The following NUTF2 variants were observed in gnomAD, a reference collection of about 807,000 sequenced individuals.
NUTF2 encodes placental protein 15.
A neutral mutation model predicts 18.5 loss-of-function variants in NUTF2; 3 were observed. That is an observed-to-expected ratio of 0.16 (90% CI 0.07 to 0.42). The LOEUF (loss-of-function observed/expected upper bound fraction) is 0.42, where lower values mean the gene tolerates loss of function less well. Ranked by LOEUF, NUTF2 falls within the 10% of genes least tolerant of loss-of-function variation. NUTF2 has a pLI of 0.99. For missense variants in NUTF2, 44 were observed against 160.7 expected, an observed-to-expected ratio of 0.27 and a Z score of 3.93; for synonymous variants, 51 against 57.9, an observed-to-expected ratio of 0.88 and a Z score of 0.54.
At chr16:67,861,038 G>A (rs1444863692) in intron 1 of NUTF2, among the ~76,000 whole-genome samples, 2 of 152,192 alleles carry the variant, frequency 1.3e-5, no homozygotes, top group African/African-American at 2.4e-5. Context: ...TTCTGAGAGA[G>A]CCAGGCTCAG....
intron 1 of NUTF2, among the ~76,000 whole-genome samples, chr16:67,862,509 C>T (rs1364884212): frequency 1.3e-5 from 2 of 152,198 alleles, no homozygotes; most frequent in Admixed American, 1.3e-4. Context: ...TTTCCTTCCA[C>T]CACCACTTCA....
intron 4 of NUTF2, among the ~76,000 whole-genome samples, chr16:67,869,233 G>A (rs2151301451): frequency 6.6e-6 from 1 of 151,842 alleles, no homozygotes; most frequent in East Asian, 2.0e-4. Flanking sequence ...ACAGCTGCCC[G>A]CCACCACACC....
At chr16:67,864,958 A>C in intron 1 of NUTF2, 144 bp from the exon 2 acceptor site, 1 of 576,708 alleles carries the variant, frequency 1.7e-6, no homozygotes, top group Non-Finnish European at 3.1e-6. Context: ...GTCTCCTGCC[A>C]GTTCCCCAGG....
chr16:67,852,513 T>C (rs2057867694), intron 1 of NUTF2, among the ~76,000 whole-genome samples: 1 of 151,756 alleles, frequency 6.6e-6, no homozygotes. Flanking sequence ...CCTGCCGGTA[T>C]AATCCGGCTA....
intron 1 of NUTF2, among the ~76,000 whole-genome samples, chr16:67,858,156 C>T (rs1385668734): frequency 6.6e-6 from 1 of 152,124 alleles, no homozygotes; most frequent in South Asian, 2.1e-4. Context: ...GGTAATCAGA[C>T]AGCTACTTTA....
At chr16:67,858,173 A>C (rs2057910321) in intron 1 of NUTF2, among the ~76,000 whole-genome samples, 1 of 152,152 alleles carries the variant, frequency 6.6e-6, no homozygotes, top group African/African-American at 2.4e-5. Flanking sequence ...TTTATTATTT[A>C]TTTATTTTAA....
intron 2 of NUTF2, among the ~76,000 whole-genome samples, chr16:67,866,217 C>T (rs1341815166): frequency 6.6e-6 from 1 of 151,984 alleles, no homozygotes; most frequent in Admixed American, 6.5e-5. Context: ...AAGTCAGTGT[C>T]CATTCAGAAA....
At chr16:67,860,053 C>T (rs1453856240) in intron 1 of NUTF2, among the ~76,000 whole-genome samples, 1 of 151,554 alleles carries the variant, frequency 6.6e-6, no homozygotes, top group Non-Finnish European at 1.5e-5. Context: ...AATCTCCACT[C>T]ACTGCAAGCT....
At chr16:67,857,740 T>C (rs1489729078) in intron 1 of NUTF2, among the ~76,000 whole-genome samples, 1 of 152,238 alleles carries the variant, frequency 6.6e-6, no homozygotes, top group South Asian at 2.1e-4. Flanking sequence ...GCCTGCTGTT[T>C]AGCCACAGCT....
chr16:67,851,101 G>A (rs544950993), intron 1 of NUTF2, among the ~76,000 whole-genome samples: 3 of 151,988 alleles, frequency 2.0e-5, no homozygotes, highest in East Asian at 1.9e-4. Flanking sequence ...GCACCTGGCC[G>A]AGCCCATCTC....
chr16:67,872,189 C>T lies in NUTF2; in HGVS notation c.*1276C>T, dbSNP rs1156715164. 6.6e-6 allele frequency: 1 copy of T among 152,268 alleles called. No individual in the cohort carries two copies. The highest frequency in any genetic ancestry group is 1.5e-5 in the Non-Finnish European group (1 of 68,058). The allele number at this position is 152,268 out of a possible 1,614,324, so 9.4% of individuals were successfully genotyped here. On this transcript the variant is annotated 3_prime_UTR_variant, in exon 5 of 5. Coordinates refer to ENST00000219169, the MANE Select transcript of NUTF2 (RefSeq NM_005796.3). ...ATAAACCTAGTGGCAATGTAGCAAC[C>T]ATAGGCTAGAACCAAACCCAAGATT... is the stretch of plus-strand genomic sequence containing the variant.
At chr16:67,857,950 G>A (rs554832255) in intron 1 of NUTF2, among the ~76,000 whole-genome samples, 1 of 152,342 alleles carries the variant, frequency 6.6e-6, no homozygotes, top group East Asian at 1.9e-4. Context: ...GAGAAGAAGG[G>A]CTGGCCTCTC....
intron 2 of NUTF2, 129 bp from the exon 3 acceptor site, chr16:67,868,211 T>C: frequency 5.4e-6 from 4 of 743,964 alleles, no homozygotes; most frequent in Non-Finnish European, 9.0e-6. Context: ...CTCAGTCTCC[T>C]TCTTTAGACA....
At chr16:67,866,199 T>A (rs978954522) in intron 2 of NUTF2, among the ~76,000 whole-genome samples, 6 of 152,150 alleles carry the variant, frequency 3.9e-5, no homozygotes. Flanking sequence ...TCTGTGTCTG[T>A]CTCCAGAAAG....
chr16:67,856,912 T>TATA (rs1199878797), intron 1 of NUTF2, among the ~76,000 whole-genome samples: 1 of 152,226 alleles, frequency 6.6e-6, no homozygotes, highest in Non-Finnish European at 1.5e-5. Flanking sequence ...TTTCCTTGTC[T>TATA]ATAAAGTGAA....
intron 1 of NUTF2, among the ~76,000 whole-genome samples, chr16:67,851,827 C>G (rs887947407): frequency 6.6e-6 from 1 of 151,836 alleles, no homozygotes; most frequent in African/African-American, 2.4e-5. Context: ...ACCAGCCTTA[C>G]CAACATGGAA....
At chr16:67,848,113 G>C in intron 1 of NUTF2, among the ~76,000 whole-genome samples, 1 of 152,218 alleles carries the variant, frequency 6.6e-6, no homozygotes, top group East Asian at 1.9e-4. Flanking sequence ...ACCCTACTGA[G>C]TTCTGGGGGA....
intron 1 of NUTF2, among the ~76,000 whole-genome samples, chr16:67,850,255 A>G (rs1178962120): frequency 6.8e-6 from 1 of 147,314 alleles, no homozygotes; most frequent in African/African-American, 2.6e-5. Context: ...CACAGGCTGG[A>G]GTGCAGTGGC....
At chr16:67,861,404 C>T (rs953371598) in intron 1 of NUTF2, among the ~76,000 whole-genome samples, 15 of 152,188 alleles carry the variant, frequency 9.9e-5, no homozygotes, top group African/African-American at 3.4e-4. Context: ...TGTTGTCTAA[C>T]GGGATCTCCT....
Sources: gnomAD v4.1 joint callset for allele counts (sites outside exome capture counted in the v4.1 genomes callset) on GRCh38, gnomAD v4.1.1 for gene constraint, MANE v1.5 for transcripts, NCBI Gene and HGNC (gene_info 2026-07-23, HGNC 2026-07-21) for gene names.